The following TACR1 variants were observed in gnomAD, a reference collection of about 807,000 sequenced individuals.
TACR1 encodes substance-P receptor.
TACR1 carries 25 observed loss-of-function variants against 35.8 expected under a neutral mutation model. That is an observed-to-expected ratio of 0.70 (90% CI 0.51 to 0.98). The LOEUF (loss-of-function observed/expected upper bound fraction) is 0.98. Ranked by LOEUF, TACR1 falls within the 50% of genes least tolerant of loss-of-function variation. The pLI, the probability that TACR1 is intolerant of heterozygous loss-of-function variation, is 0.00. For missense variants in TACR1, 478 were observed against 522.9 expected (o/e 0.91, Z 0.84); for synonymous variants, 195 against 206.7 (o/e 0.94, Z 0.48).
At chr2:75,175,543 C>T (rs904363410) in intron 1 of TACR1, among the ~76,000 whole-genome samples, 179 of 152,222 alleles carry the variant, frequency 1.2e-3, no homozygotes, top group African/African-American at 4.3e-3. Flanking sequence ...ATTCTAGAGG[C>T]TGCCTTTATT....
At chr2:75,123,281 A>G (rs1021090968) in intron 1 of TACR1, among the ~76,000 whole-genome samples, 13 of 151,706 alleles carry the variant, frequency 8.6e-5, no homozygotes, top group African/African-American at 2.7e-4. Flanking sequence ...GAATGTGGTA[A>G]TTACATTGCC....
At chr2:75,173,464 T>G (rs1420435272) in intron 1 of TACR1, among the ~76,000 whole-genome samples, 1 of 152,212 alleles carries the variant, frequency 6.6e-6, no homozygotes, top group Non-Finnish European at 1.5e-5. Context: ...TTGGGGTTAT[T>G]TATCAAACCA....
At chr2:75,122,883 G>A (rs1015101482) in intron 1 of TACR1, among the ~76,000 whole-genome samples, 6 of 152,100 alleles carry the variant, frequency 3.9e-5, no homozygotes, top group Admixed American at 1.3e-4. Context: ...CATCTCTGGG[G>A]TAGTCCCTTG....
chr2:75,099,724 G>C (rs1354506018), intron 2 of TACR1, among the ~76,000 whole-genome samples: 1 of 152,054 alleles, frequency 6.6e-6, no homozygotes, highest in Non-Finnish European at 1.5e-5. Flanking sequence ...CTCCTACCCT[G>C]CTGGCCACTG....
At chr2:75,165,372 C>T (rs771534526) in intron 1 of TACR1, among the ~76,000 whole-genome samples, 2 of 151,998 alleles carry the variant, frequency 1.3e-5, no homozygotes, top group Admixed American at 6.5e-5. Context: ...TGCAGTGGCG[C>T]GATCTCGGCT....
intron 2 of TACR1, among the ~76,000 whole-genome samples, chr2:75,100,710 G>T (rs1358656739): frequency 1.3e-5 from 2 of 152,110 alleles, no homozygotes; most frequent in African/African-American, 2.4e-5. Flanking sequence ...ATAAAGTAAG[G>T]GTTCATAAAT....
intron 2 of TACR1, among the ~76,000 whole-genome samples, chr2:75,117,111 T>C (rs1673880242): frequency 6.8e-6 from 1 of 146,230 alleles, no homozygotes; most frequent in Non-Finnish European, 1.5e-5. Context: ...TGCCTCCTCA[T>C]AATATTTATT....
At chr2:75,160,134 C>G (rs1674968631) in intron 1 of TACR1, among the ~76,000 whole-genome samples, 1 of 152,052 alleles carries the variant, frequency 6.6e-6, no homozygotes, top group Non-Finnish European at 1.5e-5. Context: ...ATTGTACCAG[C>G]AGTTATGTGG....
At chr2:75,096,365 C>T (rs1288752245) in intron 2 of TACR1, among the ~76,000 whole-genome samples, 1 of 152,116 alleles carries the variant, frequency 6.6e-6, no homozygotes, top group Non-Finnish European at 1.5e-5. Flanking sequence ...AACTCAGAGT[C>T]CAGTTTGAAA....
chr2:75,095,926 G>A (rs547275690), intron 2 of TACR1, among the ~76,000 whole-genome samples: 24 of 152,264 alleles, frequency 1.6e-4, no homozygotes, highest in African/African-American at 5.1e-4. Context: ...TGGCCTGGGC[G>A]GGACTTACAC....
chr2:75,150,557 T>C (rs1337375942), intron 1 of TACR1, among the ~76,000 whole-genome samples: 1 of 152,190 alleles, frequency 6.6e-6, no homozygotes, highest in Non-Finnish European at 1.5e-5. Flanking sequence ...GTGAATCTCC[T>C]GCCATGATTG....
chr2:75,115,628 C>A (rs1051357179), intron 2 of TACR1, among the ~76,000 whole-genome samples: 1 of 151,944 alleles, frequency 6.6e-6, no homozygotes, highest in African/African-American at 2.4e-5. Flanking sequence ...GAGAAGAGGC[C>A]GGGCACGGTG....
chr2:75,105,112 A>G (rs953679032), intron 2 of TACR1, among the ~76,000 whole-genome samples: 1 of 152,166 alleles, frequency 6.6e-6, no homozygotes, highest in East Asian at 1.9e-4. Context: ...ATTATTCACA[A>G]TAACCAAGAT....
chr2:75,091,100 CT>C (rs1189808290), intron 2 of TACR1, among the ~76,000 whole-genome samples: 2 of 150,926 alleles, frequency 1.3e-5, no homozygotes, highest in Admixed American at 6.6e-5. Context: ...TCAATTCTAC[CT>C]CCTTCTGATT....
chr2:75,049,695 GGAAGGCAT>G lies in TACR1; in HGVS notation c.953_960del (p.His318ProfsTer12). On this transcript the variant is annotated frameshift_variant, in exon 5 of 5. Coordinates refer to ENST00000305249, the MANE Select transcript of TACR1 (RefSeq NM_001058.4). LOFTEE classifies it high-confidence loss of function. Reference sequence around the variant, plus strand: ...CCGGCGCTGATGAAGGGGCAGCACCGGAAGGCATGCTTGAAGCCCAGACGGAACCTGGA... The same window carrying G: ...CCGGCGCTGATGAAGGGGCAGCACCGGCTTGAAGCCCAGACGGAACCTGGA... 1 of 1,613,862 alleles carries G rather than the reference GGAAGGCAT, an allele frequency of 6.2e-7. No homozygotes were observed. The highest frequency in any genetic ancestry group is 8.5e-7 in the Non-Finnish European group (1 of 1,179,836).
At chr2:75,132,726 A>T (rs1354846794) in intron 1 of TACR1, among the ~76,000 whole-genome samples, 6 of 152,190 alleles carry the variant, frequency 3.9e-5, no homozygotes, top group Non-Finnish European at 8.8e-5. Flanking sequence ...GGGTTCCTTC[A>T]GAGACGATAT....
At chr2:75,190,339 A>G (rs1452846463) in intron 1 of TACR1, among the ~76,000 whole-genome samples, 1 of 152,224 alleles carries the variant, frequency 6.6e-6, no homozygotes, top group Non-Finnish European at 1.5e-5. Flanking sequence ...CAATATCCAA[A>G]TGATGGACTA....
intron 1 of TACR1, among the ~76,000 whole-genome samples, chr2:75,139,285 A>G (rs994207340): frequency 3.9e-5 from 6 of 152,220 alleles, no homozygotes; most frequent in African/African-American, 1.4e-4. Context: ...GCACAAAGCA[A>G]TTCAGTCATT....
chr2:75,093,169 A>G (rs1252021027), intron 2 of TACR1, among the ~76,000 whole-genome samples: 1 of 152,156 alleles, frequency 6.6e-6, no homozygotes, highest in African/African-American at 2.4e-5. Context: ...AATTTACAAC[A>G]GCCTACACAT....
Sources: allele counts gnomAD v4.1 joint callset (sites outside exome capture counted in the v4.1 genomes callset), GRCh38; gene constraint gnomAD v4.1.1; transcripts MANE v1.5; gene names NCBI Gene and HGNC (gene_info 2026-07-23, HGNC 2026-07-21).